Variants in PPP2R2D observed in about 807,000 individuals in gnomAD.
PPP2R2D encodes serine/threonine-protein phosphatase 2A 55 kDa regulatory subunit B delta isoform.
A neutral mutation model predicts 31.1 loss-of-function variants in PPP2R2D; 9 were observed. The observed-to-expected ratio is 0.29, with a 90% CI of 0.17 to 0.51. The LOEUF is 0.51. Ranked by LOEUF, PPP2R2D falls within the 20% of genes least tolerant of loss-of-function variation. The pLI, the probability that PPP2R2D is intolerant of heterozygous loss-of-function variation, is 0.98. For synonymous variants in PPP2R2D, 179 were observed against 172.6 expected, an observed-to-expected ratio of 1.04 and a Z score of -0.29; for missense variants, 391 against 465.6, an observed-to-expected ratio of 0.84 and a Z score of 1.48.
the PPP2R2D span, chr10:131,968,257 A>G: frequency 3.5e-6 from 1 of 283,174 alleles, no homozygotes; most frequent in Non-Finnish European, 6.7e-6. Flanking sequence ...TCAGATATTT[A>G]TATCTAATAT....
chr10:131,927,597 A>G (rs1235833395), intron 2 of PPP2R2D, among the ~76,000 whole-genome samples: 1 of 152,088 alleles, frequency 6.6e-6, no homozygotes, highest in Non-Finnish European at 1.5e-5. Flanking sequence ...GACCCCCAGT[A>G]AATACCCAGC....
intron 8 of PPP2R2D, among the ~76,000 whole-genome samples, chr10:131,953,776 C>CG (rs1167994663): frequency 2.6e-3 from 191 of 74,590 alleles, no homozygotes; most frequent in African/African-American, 9.6e-3. Flanking sequence ...TGCGAGTGTG[C>CG]GGGGGGTTCA....
Position 131,956,264 on chromosome 10 carries a change from T to G in PPP2R2D, c.*301T>G, listed in dbSNP as rs2036795901. 2.8e-6 allele frequency: 3 copies of G among 1,082,282 alleles called. No homozygotes were observed. Among genetic ancestry groups the G allele is most frequent in the Non-Finnish European group, 1.1e-6 (1 of 893,246 alleles). 67.0% of individuals were successfully genotyped at this position (1,082,282 alleles called of 1,614,324 possible). ...TTCAGTCCGAGCCTTCCTTTCCAAT[T>G]TATAGACCAAAAAATTAACATCCAA... On this transcript the variant is annotated 3_prime_UTR_variant, in exon 9 of 9. Transcript: ENST00000455566.
In PPP2R2D at chr10:131,904,698, C is replaced by T. The variant is rs1270666390; in HGVS notation, c.100+3368C>T. Among the ~76,000 whole-genome samples, 8 of 152,272 alleles carry T rather than the reference C, an allele frequency of 5.3e-5. No homozygotes were observed. In the South Asian group the frequency reaches 1.0e-3, roughly 20 times the overall value. ...CTTTACTACAGCCCTGCACTCTGGC[C>T]GTCTTTCTGCCCTCTCTGCAATGGG... On this transcript the variant is annotated intron_variant, in intron 2 of 8. Coordinates refer to ENST00000455566, the MANE Select transcript of PPP2R2D (RefSeq NM_018461.5).
intron 2 of PPP2R2D, among the ~76,000 whole-genome samples, chr10:131,909,334 G>A (rs904244496): frequency 2.0e-5 from 3 of 152,198 alleles, no homozygotes; most frequent in Admixed American, 6.5e-5. Context: ...GCGGAGGAGC[G>A]ACATCAGCTT....
At chr10:131,953,020 G>A (rs2036708293) in intron 8 of PPP2R2D, among the ~76,000 whole-genome samples, 1 of 126,554 alleles carries the variant, frequency 7.9e-6, no homozygotes, top group Non-Finnish European at 1.6e-5. Flanking sequence ...CACTGTCTTA[G>A]TGACTTGCGG....
At chr10:131,970,570 T>C in the PPP2R2D span, 2 of 1,559,428 alleles carry the variant, frequency 1.3e-6, no homozygotes, top group Non-Finnish European at 1.7e-6. The surrounding 1 kb of genome is among the most constrained non-coding windows in gnomAD (Gnocchi z 4.1). Flanking sequence ...AGGTTACGAA[T>C]AAATCACTGC....
chr10:131,926,769 G>A (rs1554894981), intron 2 of PPP2R2D, among the ~76,000 whole-genome samples: 2 of 152,362 alleles, frequency 1.3e-5, no homozygotes, highest in East Asian at 1.9e-4. Flanking sequence ...AGTCCCTGCA[G>A]TATGCACACA....
At chr10:131,960,939 G>A (rs2036912638), downstream of PPP2R2D, among the ~76,000 whole-genome samples, 1 of 152,184 alleles carries the variant, frequency 6.6e-6, no homozygotes, top group Non-Finnish European at 1.5e-5. Flanking sequence ...GCTCGTCCTG[G>A]GCTGGGCCAG....
chr10:131,924,018 C>G (rs1377617679), intron 2 of PPP2R2D, among the ~76,000 whole-genome samples: 1 of 152,116 alleles, frequency 6.6e-6, no homozygotes, highest in Non-Finnish European at 1.5e-5. Flanking sequence ...CGTGCCCGGG[C>G]CTTTCTTTTT....
chr10:131,937,716 G>A (rs782031047), intron 3 of PPP2R2D, among the ~76,000 whole-genome samples: 14 of 152,160 alleles, frequency 9.2e-5, no homozygotes, highest in South Asian at 2.1e-4. Context: ...CTTCTATTCC[G>A]CTGTTTTTTC....
downstream of PPP2R2D, among the ~76,000 whole-genome samples, chr10:131,963,947 G>C (rs541488291): frequency 3.3e-5 from 5 of 152,214 alleles, no homozygotes; most frequent in South Asian, 8.3e-4. Context: ...TCCTGTCCAG[G>C]GCCCTCCCAA....
intron 2 of PPP2R2D, among the ~76,000 whole-genome samples, chr10:131,918,840 A>T (rs1287033880): frequency 7.6e-6 from 1 of 131,754 alleles, no homozygotes; most frequent in African/African-American, 2.9e-5. Context: ...CGGGGGTGGA[A>T]TGACACAGTG....
intron 2 of PPP2R2D, among the ~76,000 whole-genome samples, chr10:131,902,393 C>T (rs2035514893): frequency 6.6e-6 from 1 of 152,146 alleles, no homozygotes; most frequent in East Asian, 1.9e-4. Flanking sequence ...CTCCCTCTTC[C>T]CTACCCTGTA....
chr10:131,931,103 C>G (rs898905723), intron 2 of PPP2R2D, among the ~76,000 whole-genome samples: 3 of 152,196 alleles, frequency 2.0e-5, no homozygotes, highest in Non-Finnish European at 4.4e-5. Context: ...CGCAGGGTCC[C>G]ACGTCCAGCA....
At chr10:131,918,366 GTGTT>G (rs529665493) in intron 2 of PPP2R2D, among the ~76,000 whole-genome samples, 22 of 142,252 alleles carry the variant, frequency 1.5e-4, no homozygotes, top group African/African-American at 3.2e-4. Context: ...GAATGACACA[GTGTT>G]TGTAGGGACC....
At chr10:131,934,360 A>G (rs2119819899) in intron 2 of PPP2R2D, 98 bp from the exon 3 acceptor site, 6 of 665,474 alleles carry the variant, frequency 9.0e-6, no homozygotes, top group Middle Eastern at 2.6e-4. Flanking sequence ...AAAGTTGTAT[A>G]TGTTTATCGT....
chr10:131,966,683 TGGGGCTACA>T, the PPP2R2D span: 1 of 152,238 alleles, frequency 6.6e-6, no homozygotes, highest in Non-Finnish European at 1.5e-5. Flanking sequence ...ACCAAGTAGC[TGGGGCTACA>T]GGTGTGTGCC....
rs2036521207 is a variant in PPP2R2D, at chr10:131,945,527, TCGG to T, written c.820+70_820+72del. The T allele has an allele frequency of 5.3e-6, 8 of 1,516,572 alleles. No homozygotes were observed. The highest frequency in any genetic ancestry group is 1.4e-5 in the African/African-American group (1 of 72,826). 93.9% of individuals were successfully genotyped at this position (1,516,572 alleles called of 1,614,324 possible). ...CAGGCTGCGGTGCAGTGACACAGTCTCGGCTCACGGCAAGCTCCGCCTCCCGGG... is the reference window on the plus strand; with the variant it reads ...CAGGCTGCGGTGCAGTGACACAGTCTCTCACGGCAAGCTCCGCCTCCCGGG... On this transcript the variant is annotated intron_variant, in intron 7 of 8. Transcript: ENST00000455566. The surrounding 1 kb of genome is among the most constrained non-coding windows in gnomAD (Gnocchi z 4.8).
Sources: allele counts gnomAD v4.1 joint callset (sites outside exome capture counted in the v4.1 genomes callset), GRCh38; gene constraint gnomAD v4.1.1; non-coding constraint Gnocchi (gnomAD v3.1); transcripts MANE v1.5; gene names NCBI Gene and HGNC (gene_info 2026-07-23, HGNC 2026-07-21).